The following SPTBN1 variants were observed in gnomAD, a reference collection of about 807,000 sequenced individuals.
SPTBN1 encodes the protein spectrin beta, non-erythrocytic 1.
In SPTBN1, 32 loss-of-function variants were observed where a neutral mutation model predicts 266.4. The observed-to-expected ratio is 0.12, with a 90% confidence interval of 0.09 to 0.16. The LOEUF is 0.16. Among genes scored for constraint, SPTBN1 ranks in the 10% least tolerant of loss-of-function variants. The pLI, the probability that SPTBN1 is intolerant of heterozygous loss-of-function variation, is 1.00. For synonymous variants in SPTBN1, 1,336 were observed against 1,162.2 expected (o/e 1.15, Z -3.04); for missense variants, 2,296 against 3,067.1 (o/e 0.75, Z 5.94).
chr2:54,492,550 A>C (rs55677095), intron 1 of SPTBN1, among the ~76,000 whole-genome samples: 1 of 150,010 alleles, frequency 6.7e-6, no homozygotes, highest in East Asian at 1.9e-4. Flanking sequence ...CTTTGCACCA[A>C]CTGACTGACT....
At chr2:54,592,753 C>T (rs1167869949) in intron 2 of SPTBN1, among the ~76,000 whole-genome samples, 2 of 152,116 alleles carry the variant, frequency 1.3e-5, no homozygotes, top group Non-Finnish European at 2.9e-5. Flanking sequence ...AACCAAACAA[C>T]AAAAGATAGT....
At chr2:54,459,709 C>G (rs1573191672) in intron 1 of SPTBN1, among the ~76,000 whole-genome samples, 1 of 152,144 alleles carries the variant, frequency 6.6e-6, no homozygotes. Flanking sequence ...GTTTCTTTCA[C>G]TACATTATTG....
At chr2:54,594,930 G>A (rs1397912051) in intron 2 of SPTBN1, among the ~76,000 whole-genome samples, 1 of 141,630 alleles carries the variant, frequency 7.1e-6, no homozygotes, top group African/African-American at 2.8e-5. Flanking sequence ...TTTCTCCTGG[G>A]TTCAAGTGAT....
chr2:54,653,448 A>C lies in SPTBN1; in HGVS notation c.5578-161A>C. 1 of 1,164,604 alleles carries C rather than the reference A, an allele frequency of 8.6e-7. No homozygotes were observed. The highest frequency in any genetic ancestry group is 1.2e-6 in the Non-Finnish European group (1 of 848,328). 72.1% of individuals were successfully genotyped at this position (1,164,604 alleles called of 1,614,324 possible). A position where few individuals can be genotyped will look rare whatever the true frequency, so the allele number is the denominator to read the frequency against. On this transcript the variant is annotated intron_variant, in intron 26 of 35. Coordinates refer to ENST00000356805, the MANE Select transcript of SPTBN1 (RefSeq NM_003128.3). The surrounding 1 kb of genome is among the most constrained non-coding windows in gnomAD (Gnocchi z 5.1). The stretch of plus-strand genomic sequence containing the variant: ...GATTTATAGAAAACGGGTTTTTGTG[A>C]CTTGGATCTCCCCAGTGAAATTGAG...
chr2:54,502,934 A>G (rs1259143442), intron 1 of SPTBN1, among the ~76,000 whole-genome samples: 1 of 152,134 alleles, frequency 6.6e-6, no homozygotes, highest in Non-Finnish European at 1.5e-5. Flanking sequence ...CAGCTAGGGT[A>G]CCTCAGAGAA....
rs1457009255 is a variant in SPTBN1 at position 54,670,639 on chromosome 2, T to C, written c.*2070T>C. 3 of 398,570 alleles carry C rather than the reference T, an allele frequency of 7.5e-6. No individual in the cohort carries two copies. Among genetic ancestry groups the C allele is most frequent in the Non-Finnish European group, 1.3e-5 (3 of 226,080 alleles). 24.7% of individuals were successfully genotyped at this position (398,570 alleles called of 1,614,324 possible). A position where few individuals can be genotyped will look rare whatever the true frequency, so the allele number is the denominator to read the frequency against. On this transcript the variant is annotated 3_prime_UTR_variant, in exon 36 of 36. Transcript: ENST00000356805. Reference sequence around the variant, plus strand: ...ACAATTGTGATTAATTACAGTCTTGTACTCTTGACAAAGCTGTGCAGATGG... The same window carrying C: ...ACAATTGTGATTAATTACAGTCTTGCACTCTTGACAAAGCTGTGCAGATGG...
chr2:54,612,382 G>A, intron 4 of SPTBN1, 48 bp downstream of exon 4: 2 of 1,560,376 alleles, frequency 1.3e-6, no homozygotes, highest in Middle Eastern at 1.8e-4. Context: ...CGACCTCTCA[G>A]GTATGAGCAT....
At chr2:54,579,724 A>T (rs1674748185) in intron 2 of SPTBN1, among the ~76,000 whole-genome samples, 1 of 152,244 alleles carries the variant, frequency 6.6e-6, no homozygotes, top group African/African-American at 2.4e-5. Flanking sequence ...TGTAAGTCTT[A>T]GGAGAATTGA....
At chr2:54,522,680 A>AGGG (rs1353072589) in intron 1 of SPTBN1, among the ~76,000 whole-genome samples, 1 of 107,946 alleles carries the variant, frequency 9.3e-6, no homozygotes, top group Non-Finnish European at 1.9e-5. Flanking sequence ...GAGAGAGAGG[A>AGGG]GAGAGAGAGA....
chr2:54,606,352 T>G (rs949698423), intron 3 of SPTBN1, among the ~76,000 whole-genome samples: 1 of 152,194 alleles, frequency 6.6e-6, no homozygotes. Context: ...CTGCTGCAGT[T>G]AGAAGTTTCT....
chr2:54,584,184 T>G (rs891379457), intron 2 of SPTBN1, among the ~76,000 whole-genome samples: 1 of 152,226 alleles, frequency 6.6e-6, no homozygotes, highest in Non-Finnish European at 1.5e-5. Context: ...TATGGCCACT[T>G]TCCGAAGCCT....
chr2:54,462,544 A>G (rs1235220127), intron 1 of SPTBN1, among the ~76,000 whole-genome samples: 1 of 152,134 alleles, frequency 6.6e-6, no homozygotes. Flanking sequence ...ATTGTTTTTT[A>G]TTTAATGAAT....
intron 8 of SPTBN1, among the ~76,000 whole-genome samples, chr2:54,621,923 A>G (rs1288429891): frequency 6.6e-6 from 1 of 152,206 alleles, no homozygotes; most frequent in Non-Finnish European, 1.5e-5. Flanking sequence ...TGTCCTCTCA[A>G]TGCAGTGAAG....
At chr2:54,655,322 A>G in intron 28 of SPTBN1, 114 bp downstream of exon 28, 3 of 1,351,522 alleles carry the variant, frequency 2.2e-6, no homozygotes, top group South Asian at 1.5e-5. Context: ...ACACACACAC[A>G]TATGTTTTAA....
Position 54,664,541 on chromosome 2 carries a change from C to T in SPTBN1, c.6509C>T (p.Pro2170Leu), listed in dbSNP as rs770248886. ...SSKESSPIPS[P>L]TSDRKAKTAL... The stretch of plus-strand genomic sequence containing the variant: ...AAAGAGTCCAGCCCCATCCCCTCCC[C>T]GACCTCTGATCGTAAAGCCAAGACT... Residue 2170 changes from proline to leucine, a missense_variant, in exon 33 of 36, where the codon CCG (proline) becomes CTG (leucine). By Grantham distance (98) the Pro-to-Leu change is moderately conservative. Coordinates refer to ENST00000356805, the MANE Select transcript of SPTBN1 (RefSeq NM_003128.3). The surrounding 1 kb of genome is among the most constrained non-coding windows in gnomAD (Gnocchi z 5.6). 106 of 1,614,174 alleles carry T rather than the reference C, an allele frequency of 6.6e-5. No homozygotes were observed. Among genetic ancestry groups the T allele is most frequent in the Non-Finnish European group, 8.1e-5 (95 of 1,180,024 alleles).
In SPTBN1 at chr2:54,558,535, G is replaced by T. The variant is rs1053187820; in HGVS notation, c.148+31969G>T. On this transcript the variant is annotated intron_variant, in intron 2 of 35. Transcript: ENST00000356805. This position sits in a 1 kb window ranked among gnomAD's most constrained non-coding sequence, Gnocchi z 4.6. Reference sequence around the variant, plus strand: ...CTCAGTAATTTATTTCGAGCTTCCAGGCAAGGGCCACGGAAGAAGGGAAAG... The same window carrying T: ...CTCAGTAATTTATTTCGAGCTTCCATGCAAGGGCCACGGAAGAAGGGAAAG... 65 of 1,267,930 alleles carry T rather than the reference G, an allele frequency of 5.1e-5. No homozygotes were observed. Among genetic ancestry groups the T allele is most frequent in the Non-Finnish European group, 6.0e-5 (60 of 1,003,896 alleles). The allele number at this position is 1,267,930 out of a possible 1,614,324, so 78.5% of individuals were successfully genotyped here.
chr2:54,669,410 G>A lies in SPTBN1; in HGVS notation c.*841G>A, dbSNP rs541665735. 6.6e-6 allele frequency: 1 copy of A among 152,620 alleles called. No individual in the cohort carries two copies. The highest frequency in any genetic ancestry group is 2.4e-5 in the African/African-American group (1 of 41,446). The allele number at this position is 152,620 out of a possible 1,614,324, so 9.5% of individuals were successfully genotyped here. ...ATGTTACTCTAATGGTTACTTGCTC[G>A]TGCGTTGCCACACTGTGTTATAATT... is the stretch of plus-strand genomic sequence containing the variant. On this transcript the variant is annotated 3_prime_UTR_variant, in exon 36 of 36. Transcript: ENST00000356805.
At chr2:54,562,478 CA>C (rs1011912183) in intron 2 of SPTBN1, among the ~76,000 whole-genome samples, 1 of 151,806 alleles carries the variant, frequency 6.6e-6, no homozygotes, top group Non-Finnish European at 1.5e-5. Flanking sequence ...CATTTTGCCT[CA>C]AATGCCTACT....
chr2:54,600,833 T>A (rs924443879), intron 3 of SPTBN1, among the ~76,000 whole-genome samples: 33 of 151,438 alleles, frequency 2.2e-4, no homozygotes, highest in Middle Eastern at 3.4e-3. Context: ...TTTTTTTTTT[T>A]AATTTATTTT....
Sources: allele counts gnomAD v4.1 joint callset (sites outside exome capture counted in the v4.1 genomes callset), GRCh38; gene constraint gnomAD v4.1.1; non-coding constraint Gnocchi (gnomAD v3.1); transcripts MANE v1.5; gene names NCBI Gene and HGNC (gene_info 2026-07-23, HGNC 2026-07-21).